The following LTN1 variants were observed in gnomAD, a reference collection of about 807,000 sequenced individuals.
LTN1 encodes the protein listerin E3 ubiquitin protein ligase 1, also known as E3 ubiquitin-protein ligase listerin.
LTN1 carries 88 observed loss-of-function variants against 201.2 expected under a neutral mutation model. The ratio of observed to expected loss-of-function variants is 0.44; its 90% CI spans 0.37 to 0.52. LTN1 has a LOEUF of 0.52. Among genes scored for constraint, LTN1 ranks in the 20% least tolerant of loss-of-function variants. The pLI is 0.00. For missense variants in LTN1, 1,752 were observed against 2,038.7 expected, an observed-to-expected ratio of 0.86 and a Z score of 2.71; for synonymous variants, 645 against 713.5, an observed-to-expected ratio of 0.90 and a Z score of 1.53.
chr21:28,960,552 A>C lies in LTN1; in HGVS notation c.2318T>G (p.Leu773Arg). 1 of 1,613,918 alleles carries C rather than the reference A, an allele frequency of 6.2e-7. No homozygotes were observed. Among genetic ancestry groups the C allele is most frequent in the Non-Finnish European group, 8.5e-7 (1 of 1,179,862 alleles). Residue 773 changes from leucine to arginine, a missense_variant, in exon 12 of 30, where the codon CTT becomes CGT. Around this residue, in one of 3 missense-constraint regions of LTN1, gnomAD observed 1,211 missense variants for 1,312.8 expected, o/e 0.92. Coordinates refer to ENST00000361371, the MANE Select transcript of LTN1 (RefSeq NM_015565.3). Reference sequence around the variant, plus strand: ...ATGTTGGGATAATACCAAGCTTAGAAGAGTCCATCTTTCTGAGAAGTGAGA... The same window carrying C: ...ATGTTGGGATAATACCAAGCTTAGACGAGTCCATCTTTCTGAGAAGTGAGA... ...SESHFSERWT[L>R]LSLVLSQHVK... is the part of the protein sequence containing the mutation.
At chr21:28,944,856 C>CT in intron 21 of LTN1, among the ~76,000 whole-genome samples, 1 of 152,260 alleles carries the variant, frequency 6.6e-6, no homozygotes, top group South Asian at 2.1e-4. Context: ...GAAGGAAACA[C>CT]TAAGTCAGAC....
At chr21:28,939,292 T>A (rs1471969714) in intron 25 of LTN1, among the ~76,000 whole-genome samples, 4 of 152,202 alleles carry the variant, frequency 2.6e-5, no homozygotes, top group Middle Eastern at 3.4e-3. Context: ...GTGGGGGTCA[T>A]GGGAGGGAGC....
chr21:28,984,968 A>G (rs892764310), intron 3 of LTN1, 46 bp from the exon 4 acceptor site: 6 of 1,409,368 alleles, frequency 4.3e-6, no homozygotes, highest in Non-Finnish European at 5.9e-6. Flanking sequence ...AGCCCATAAA[A>G]ACAATCACAG....
At chr21:28,949,792 T>C (rs567591960) in intron 18 of LTN1, among the ~76,000 whole-genome samples, 31 of 152,214 alleles carry the variant, frequency 2.0e-4, no homozygotes, top group Admixed American at 4.6e-4. Flanking sequence ...ATCAAATATA[T>C]ATATATTTAC....
At chr21:28,992,654 AAC>A (rs1251650466) in intron 1 of LTN1, 108 bp downstream of exon 1, 19 of 1,212,716 alleles carry the variant, frequency 1.6e-5, no homozygotes, top group Non-Finnish European at 2.3e-5. Flanking sequence ...TCGACAGGGA[AAC>A]ACACGCCTCC....
intron 6 of LTN1, among the ~76,000 whole-genome samples, chr21:28,980,408 G>C: frequency 1.0e-5 from 1 of 98,728 alleles, no homozygotes; most frequent in Non-Finnish European, 1.9e-5. Context: ...TGGGGGGAGG[G>C]GGGAGGGATA....
rs976579071 is a variant in LTN1, at chr21:28,965,803, G to A, written c.2163+62C>T. ...ATATTTATTGTGTAAATAGGACTAC[G>A]GTTATAATATTTCTATTCCCATAAA... On this transcript the variant is annotated intron_variant, in intron 11 of 29. Transcript: ENST00000361371. The A allele has an allele frequency of 2.6e-5, 24 of 934,814 alleles. No individual in the cohort carries two copies. In the Admixed American group the frequency reaches 3.0e-4, roughly 12 times the overall value. The allele number at this position is 934,814 out of a possible 1,614,324, so 57.9% of individuals were successfully genotyped here. A position where few individuals can be genotyped will look rare whatever the true frequency, so the allele number is the denominator to read the frequency against.
intron 25 of LTN1, among the ~76,000 whole-genome samples, chr21:28,938,404 A>G (rs1305750846): frequency 6.6e-6 from 1 of 152,236 alleles, no homozygotes; most frequent in African/African-American, 2.4e-5. Context: ...TAAAAGATGT[A>G]TGTAACTTTT....
chr21:28,981,114 T>C lies in LTN1; in HGVS notation c.810+5A>G. ...AATGTCTTAAGATAAAAAAGATTAA[T>C]ATACCTGAGGTACACTGTGTTTTCC... is the stretch of plus-strand genomic sequence containing the variant. On this transcript the variant is annotated splice_donor_5th_base_variant and intron_variant, in intron 6 of 29. Coordinates refer to ENST00000361371, the MANE Select transcript of LTN1 (RefSeq NM_015565.3). The C allele has an allele frequency of 6.7e-7, 1 of 1,498,524 alleles. No homozygotes were observed. The highest frequency in any genetic ancestry group is 1.4e-5 in the South Asian group (1 of 74,024). 92.8% of individuals were successfully genotyped at this position (1,498,524 alleles called of 1,614,324 possible).
intron 1 of LTN1, among the ~76,000 whole-genome samples, chr21:28,987,998 C>T (rs904490809): frequency 1.3e-5 from 2 of 152,080 alleles, no homozygotes; most frequent in Non-Finnish European, 2.9e-5. Context: ...AAAAAATTAA[C>T]TGGGCGTGGT....
Position 28,959,497 on chromosome 21 carries a change from G to T in LTN1, c.2554C>A (p.Gln852Lys). The T allele has an allele frequency of 6.2e-7, 1 of 1,613,920 alleles. No individual in the cohort carries two copies. Among genetic ancestry groups the T allele is most frequent in the South Asian group, 1.1e-5 (1 of 91,060 alleles). ...SSEDLLLTLF[Q>K]LCAQSKEKTH... ...TTTTCTTTGCTCTGAGCACATAACT[G>T]AAAGAGAGTTAATAATAAATCTTCA... The change falls in exon 13 of 30, where the codon CAG becomes AAG. Residue 852 changes from glutamine to lysine, a missense_variant. Coordinates refer to ENST00000361371, the MANE Select transcript of LTN1 (RefSeq NM_015565.3).
chr21:28,969,442 T>C (rs780588292), intron 9 of LTN1, 24 bp downstream of exon 9: 1 of 1,596,054 alleles, frequency 6.3e-7, no homozygotes, highest in Non-Finnish European at 8.5e-7. Context: ...GCAAAGAGAC[T>C]GACGACTTTT....
rs1376080929 is a variant in LTN1, at chr21:28,928,392, G to A, written c.*2056C>T. ...CACAGACACTTATGTACATACATTG[G>A]AGCATGTGATAAAAGAGTCAAAAAT... On this transcript the variant is annotated 3_prime_UTR_variant, in exon 30 of 30. Coordinates refer to ENST00000361371, the MANE Select transcript of LTN1 (RefSeq NM_015565.3). 6.6e-6 allele frequency: 1 copy of A among 152,244 alleles called. No homozygotes were observed. Among genetic ancestry groups the A allele is most frequent in the Non-Finnish European group, 1.5e-5 (1 of 67,974 alleles). 9.4% of individuals were successfully genotyped at this position (152,244 alleles called of 1,614,324 possible). A position where few individuals can be genotyped will look rare whatever the true frequency, so the allele number is the denominator to read the frequency against.
intron 18 of LTN1, among the ~76,000 whole-genome samples, chr21:28,948,801 C>A (rs900611184): frequency 3.9e-5 from 6 of 152,098 alleles, no homozygotes; most frequent in Non-Finnish European, 8.8e-5. Flanking sequence ...TTAGGTTTCT[C>A]CCCTCCCCAA....
rs140338643 is a variant in LTN1 at position 28,974,018 on chromosome 21, A to G, written c.811-2574T>C. Among the ~76,000 whole-genome samples, 21 of 152,300 alleles carry G rather than the reference A, an allele frequency of 1.4e-4. No homozygotes were observed. In the South Asian group the frequency reaches 3.7e-3, roughly 27 times the overall value. On this transcript the variant is annotated intron_variant, in intron 6 of 29. Coordinates refer to ENST00000361371, the MANE Select transcript of LTN1 (RefSeq NM_015565.3). The stretch of plus-strand genomic sequence containing the variant: ...CAAAAAAAACCTCTAAATCCACTAC[A>G]TGGAGCTAACCTATAAAACTTCTAA...
chr21:28,960,947 C>CTT, intron 11 of LTN1: 10 of 279,436 alleles, frequency 3.6e-5, no homozygotes, highest in South Asian at 9.4e-5. Flanking sequence ...CCACCCCCCC[C>CTT]TTTTTTTTTT....
Position 28,941,281 on chromosome 21 carries a change from A to C in LTN1, c.4421T>G (p.Val1474Gly), listed in dbSNP as rs1000589731. The part of the protein sequence containing the change: ...IKPLSEDFCY[V>G]LGYLLTWKLI... ...TTTCCAAGTGAGAAGGTATCCCAGAACATAACAGAAGTCTTCACTCAGTGG... is the reference window on the plus strand; with the variant it reads ...TTTCCAAGTGAGAAGGTATCCCAGACCATAACAGAAGTCTTCACTCAGTGG... Residue 1474 changes from valine (V) to glycine (G), a missense_variant, in exon 25 of 30, where the codon GTT becomes GGT. Transcript: ENST00000361371. 6.2e-7 allele frequency: 1 copy of C among 1,613,450 alleles called. No individual in the cohort carries two copies. Among genetic ancestry groups the C allele is most frequent in the Non-Finnish European group, 8.5e-7 (1 of 1,179,658 alleles).
At chr21:28,985,803 G>T (rs1490394673) in intron 3 of LTN1, among the ~76,000 whole-genome samples, 2 of 152,000 alleles carry the variant, frequency 1.3e-5, no homozygotes, top group Admixed American at 6.6e-5. Flanking sequence ...TGGGATTACA[G>T]GCATCCATCA....
chr21:28,965,647 AT>A (rs927108030), intron 11 of LTN1, among the ~76,000 whole-genome samples: 1 of 152,168 alleles, frequency 6.6e-6, no homozygotes, highest in African/African-American at 2.4e-5. Context: ...GAGCCTGTTC[AT>A]TTTTCCCTAA....
Sources: allele counts gnomAD v4.1 joint callset (sites outside exome capture counted in the v4.1 genomes callset), GRCh38; gene constraint gnomAD v4.1.1; regional missense constraint gnomAD v4.1.1; transcripts MANE v1.5; gene names NCBI Gene and HGNC (gene_info 2026-07-23, HGNC 2026-07-21).